Variants in ITSN1 observed in about 807,000 individuals in gnomAD.
The protein encoded by ITSN1 is intersectin 1.
Under a neutral mutation model 239.8 loss-of-function variants are expected in ITSN1, and 58 were observed. That is an observed-to-expected ratio of 0.24 (90% CI 0.20 to 0.30). ITSN1 has a LOEUF of 0.30. ITSN1 is among the 10% of genes least tolerant of loss of function. The pLI is 1.00. For missense variants in ITSN1, 1,558 were observed against 2,103.3 expected (o/e 0.74, Z 5.07); for synonymous variants, 780 against 770.8 (o/e 1.01, Z -0.20).
intron 29 of ITSN1, among the ~76,000 whole-genome samples, chr21:33,854,776 T>C (rs923039188): frequency 6.6e-6 from 1 of 152,212 alleles, no homozygotes; most frequent in Non-Finnish European, 1.5e-5. Flanking sequence ...CTCAGACACA[T>C]CTGCAGACCT....
chr21:33,850,728 A>G (rs987479156), intron 29 of ITSN1, among the ~76,000 whole-genome samples: 1 of 152,214 alleles, frequency 6.6e-6, no homozygotes, highest in Non-Finnish European at 1.5e-5. Flanking sequence ...GTTTGGCCAG[A>G]GAACTTTCTT....
At chr21:33,844,331 A>C (rs542535595) in intron 29 of ITSN1, among the ~76,000 whole-genome samples, 1 of 152,290 alleles carries the variant, frequency 6.6e-6, no homozygotes, top group South Asian at 2.1e-4. Context: ...GGGAAAATGG[A>C]ATGTGCAGGG....
Position 33,721,230 on chromosome 21 carries a change from G to A in ITSN1, c.81G>A (p.Gln27=), listed in dbSNP as rs1432783639. Residue 27 remains glutamine, a synonymous_variant, in exon 3 of 40, where the codon CAG becomes CAA. Coordinates refer to ENST00000381318, the MANE Select transcript of ITSN1 (RefSeq NM_003024.3). ...TAGAGGAAAGAGCGAAGCATGATCA[G>A]CAGTTCCATAGTTTAAAGCCAATAT... is the stretch of plus-strand genomic sequence containing the variant. ...ITVEERAKHD[Q]QFHSLKPISG... The A allele has an allele frequency of 3.1e-6, 5 of 1,613,246 alleles. No homozygotes were observed. The highest frequency in any genetic ancestry group is 1.7e-5 in the Admixed American group (1 of 59,998).
chr21:33,825,967 A>C (rs2073951400), intron 25 of ITSN1, among the ~76,000 whole-genome samples: 1 of 152,156 alleles, frequency 6.6e-6, no homozygotes, highest in African/African-American at 2.4e-5. Context: ...GTTTTGTTTT[A>C]ATTGGAATGC....
At chr21:33,810,407 C>T (rs2072817846) in intron 20 of ITSN1, among the ~76,000 whole-genome samples, 1 of 152,064 alleles carries the variant, frequency 6.6e-6, no homozygotes, top group African/African-American at 2.4e-5. Flanking sequence ...ATTTTCTCAT[C>T]ATGTGTCTGT....
intron 1 of ITSN1, among the ~76,000 whole-genome samples, chr21:33,707,423 G>A (rs1216851865): frequency 6.6e-6 from 1 of 152,122 alleles, no homozygotes; most frequent in Non-Finnish European, 1.5e-5. Context: ...CACTTTAAAT[G>A]TGTATATTTA....
chr21:33,703,519 A>T (rs1018036928), intron 1 of ITSN1, among the ~76,000 whole-genome samples: 2 of 152,302 alleles, frequency 1.3e-5, no homozygotes, highest in East Asian at 3.9e-4. Context: ...CTAAATAAGG[A>T]GTGTTTGTCT....
intron 1 of ITSN1, among the ~76,000 whole-genome samples, chr21:33,682,223 T>C (rs2091001813): frequency 6.6e-6 from 1 of 151,542 alleles, no homozygotes; most frequent in Non-Finnish European, 1.5e-5. Context: ...CTTTTCTTTT[T>C]TTTTTTTTTG....
intron 31 of ITSN1, among the ~76,000 whole-genome samples, chr21:33,864,237 C>T (rs1325288437): frequency 2.0e-5 from 3 of 152,156 alleles, no homozygotes; most frequent in Non-Finnish European, 4.4e-5. Flanking sequence ...ATAGGTTATA[C>T]CATTTTGTTC....
At chr21:33,754,735 G>A (rs2067796428) in intron 7 of ITSN1, among the ~76,000 whole-genome samples, 1 of 152,178 alleles carries the variant, frequency 6.6e-6, no homozygotes, top group African/African-American at 2.4e-5. Context: ...GCTTATGTGT[G>A]ACCATGGAAA....
chr21:33,692,231 T>C (rs2091580563), intron 1 of ITSN1, among the ~76,000 whole-genome samples: 1 of 152,186 alleles, frequency 6.6e-6, no homozygotes, highest in African/African-American at 2.4e-5. Flanking sequence ...TAGGTGCTAA[T>C]TATACTAGCA....
chr21:33,869,731 G>GA (rs1302727453), intron 33 of ITSN1, among the ~76,000 whole-genome samples: 1 of 151,998 alleles, frequency 6.6e-6, no homozygotes. Flanking sequence ...CCTTTTAATG[G>GA]AAAATGGTGT....
chr21:33,743,821 C>T (rs1374543002), intron 5 of ITSN1, among the ~76,000 whole-genome samples: 3 of 152,132 alleles, frequency 2.0e-5, no homozygotes. Flanking sequence ...GTGCTTTCTG[C>T]TAGAAGAAAA....
chr21:33,697,609 G>T (rs1457242225), intron 1 of ITSN1, among the ~76,000 whole-genome samples: 1 of 152,008 alleles, frequency 6.6e-6, no homozygotes, highest in Admixed American at 6.6e-5. Context: ...TAATTTGGCT[G>T]TTAATTTGAA....
At chr21:33,727,474 A>G (rs767574997) in intron 4 of ITSN1, among the ~76,000 whole-genome samples, 1 of 152,066 alleles carries the variant, frequency 6.6e-6, no homozygotes, top group African/African-American at 2.4e-5. Flanking sequence ...GATTAGATCA[A>G]CTTTGTGATC....
At chr21:33,777,812 C>T (rs1280389710) in intron 14 of ITSN1, among the ~76,000 whole-genome samples, 5 of 152,128 alleles carry the variant, frequency 3.3e-5, no homozygotes, top group Admixed American at 2.0e-4. Flanking sequence ...GTGTGTCTTA[C>T]TTTGTTGACC....
At chr21:33,653,307 T>C (rs981298639) in intron 1 of ITSN1, among the ~76,000 whole-genome samples, 27 of 152,066 alleles carry the variant, frequency 1.8e-4, no homozygotes, top group African/African-American at 6.3e-4. Flanking sequence ...GATTGGGAAG[T>C]TCTGAGTTTA....
rs536888786 is a variant in ITSN1, at chr21:33,813,825, T to G, written c.2568-88T>G. 1.2e-3 allele frequency: 1,020 copies of G among 842,234 alleles called. 10 individuals carry two copies. The African/African-American group carries it at 0.016, about 14-fold the overall frequency. The allele number at this position is 842,234 out of a possible 1,614,324, so 52.2% of individuals were successfully genotyped here. A position where few individuals can be genotyped will look rare whatever the true frequency, so the allele number is the denominator to read the frequency against. On this transcript the variant is annotated intron_variant, in intron 21 of 39. Transcript: ENST00000381318. ...GCTGGCATATTAGGGAGTGCTTGCT[T>G]TTTTTTTTTTTTGGTACTTTACTGT... is the stretch of plus-strand genomic sequence containing the variant.
chr21:33,870,158 T>C (rs887412160), intron 33 of ITSN1, among the ~76,000 whole-genome samples: 9 of 152,236 alleles, frequency 5.9e-5, no homozygotes, highest in Non-Finnish European at 7.3e-5. Context: ...CTGTGGATCT[T>C]TGGCTGAGTT....
Sources: gnomAD v4.1 joint callset for allele counts (sites outside exome capture counted in the v4.1 genomes callset) on GRCh38, gnomAD v4.1.1 for gene constraint, MANE v1.5 for transcripts, NCBI Gene and HGNC (gene_info 2026-07-23, HGNC 2026-07-21) for gene names.